The following SORD variants were observed in gnomAD, a reference collection of about 807,000 sequenced individuals.
SORD encodes the protein sorbitol dehydrogenase.
Under a neutral mutation model 35.6 loss-of-function variants are expected in SORD, and 18 were observed. The ratio of observed to expected loss-of-function variants is 0.51; its 90% confidence interval spans 0.35 to 0.75. The LOEUF (loss-of-function observed/expected upper bound fraction) is 0.75, where lower values mean the gene tolerates loss of function less well. Ranked by LOEUF, SORD falls within the 30% of genes least tolerant of loss-of-function variation. The pLI is 0.01. For missense variants in SORD, 250 were observed against 390.2 expected (o/e 0.64, Z 3.03); for synonymous variants, 106 against 152.9 (o/e 0.69, Z 2.26).
At chr15:45,069,183 G>GTTTTCTT (rs1893463276) in intron 7 of SORD, 131 bp downstream of exon 7, 2 of 170,838 alleles carry the variant, frequency 1.2e-5, no homozygotes, top group South Asian at 3.0e-4. Flanking sequence ...TGCCATCTAT[G>GTTTTCTT]TTTTCTTTTT....
At chr15:45,070,097 C>T (rs1419634180) in intron 7 of SORD, 1 of 152,112 alleles carries the variant, frequency 6.6e-6, no homozygotes, top group Non-Finnish European at 1.5e-5. Flanking sequence ...AAACCAGTTA[C>T]CATTTTATGC....
intron 4 of SORD, among the ~76,000 whole-genome samples, chr15:45,061,854 C>A (rs542374211): frequency 6.6e-6 from 1 of 151,990 alleles, no homozygotes; most frequent in South Asian, 2.1e-4. Context: ...GGGCAACAGA[C>A]CGAGACTCCG....
intron 3 of SORD, among the ~76,000 whole-genome samples, chr15:45,044,147 G>T (rs2141271282): frequency 6.6e-6 from 1 of 152,360 alleles, no homozygotes; most frequent in Non-Finnish European, 1.5e-5. Context: ...CTTGTTTAGG[G>T]ATGTTAAGTC....
intron 4 of SORD, among the ~76,000 whole-genome samples, chr15:45,063,827 T>C (rs1474338952): frequency 1.3e-5 from 2 of 151,652 alleles, no homozygotes; most frequent in African/African-American, 2.4e-5. Flanking sequence ...TCCTATTATA[T>C]AGAAGGGATA....
chr15:45,023,367 G>A lies in SORD; in HGVS notation c.66+18G>A, dbSNP rs200705319. On this transcript the variant is annotated intron_variant, in intron 1 of 8. Transcript: ENST00000267814. ...TGCGCCTGGTAAGCTGGGAAGGAGG[G>A]TGGGAAGCATACCGATCCTGCCTCA... 6 of 1,555,394 alleles carry A rather than the reference G, an allele frequency of 3.9e-6. 1 individual carries two copies. Among genetic ancestry groups the A allele is most frequent in the Non-Finnish European group, 2.6e-6 (3 of 1,151,300 alleles).
At chr15:45,050,600 T>G (rs551832386) in intron 3 of SORD, 14 of 152,354 alleles carry the variant, frequency 9.2e-5, no homozygotes, top group African/African-American at 3.1e-4. Flanking sequence ...CCAGCTTGAT[T>G]TTTTAAAGGG....
chr15:45,049,224 T>A (rs1893090778), intron 3 of SORD, among the ~76,000 whole-genome samples: 1 of 152,146 alleles, frequency 6.6e-6, no homozygotes, highest in African/African-American at 2.4e-5. Context: ...CCTAACTGGT[T>A]TTTTTCTTTC....
intron 3 of SORD, among the ~76,000 whole-genome samples, chr15:45,059,928 G>A (rs1040759197): frequency 6.6e-6 from 1 of 152,118 alleles, no homozygotes; most frequent in African/African-American, 2.4e-5. Context: ...ACTAATCTGT[G>A]GTACAAAAAA....
At chr15:45,035,192 T>G (rs889752825) in intron 1 of SORD, among the ~76,000 whole-genome samples, 1 of 152,032 alleles carries the variant, frequency 6.6e-6, no homozygotes, top group African/African-American at 2.4e-5. Context: ...CCCAATCCCA[T>G]CGACCACCCA....
intron 1 of SORD, among the ~76,000 whole-genome samples, chr15:45,034,103 T>G (rs1488655502): frequency 6.6e-6 from 1 of 151,984 alleles, no homozygotes; most frequent in Non-Finnish European, 1.5e-5. Flanking sequence ...TCAACCATAG[T>G]GTGAACTAAT....
At chr15:45,045,485 A>G (rs1206970519) in intron 3 of SORD, among the ~76,000 whole-genome samples, 1 of 136,186 alleles carries the variant, frequency 7.3e-6, no homozygotes, top group African/African-American at 2.7e-5. Context: ...GTGAGCTGAG[A>G]TTGTGCCACT....
chr15:45,047,765 A>G (rs1474354037), intron 3 of SORD, among the ~76,000 whole-genome samples: 2 of 152,176 alleles, frequency 1.3e-5, no homozygotes, highest in South Asian at 2.1e-4. Flanking sequence ...ACTGGCATTC[A>G]GCCGTGTTGG....
chr15:45,039,562 A>G (rs1024911339), intron 1 of SORD, among the ~76,000 whole-genome samples: 4 of 152,202 alleles, frequency 2.6e-5, no homozygotes, highest in Non-Finnish European at 5.9e-5. Flanking sequence ...CAACACTACT[A>G]CAACTACTGC....
chr15:45,068,963 G>T lies in SORD; in HGVS notation c.697G>T (p.Ala233Ser). ...CTCCAAGGAGAGCCCTCAGGAAATCGCCAGGAAAGTAGAAGGTCAGCTGGG... is the reference window on the plus strand; with the variant it reads ...CTCCAAGGAGAGCCCTCAGGAAATCTCCAGGAAAGTAGAAGGTCAGCTGGG... The part of the protein sequence containing the change: ...QISKESPQEI[A>S]RKVEGQLGCK... The change falls in exon 7 of 9, where the codon GCC (alanine) becomes TCC (serine). Residue 233 changes from alanine (A) to serine (S), a missense_variant. Ala to Ser is a moderately conservative substitution (Grantham distance 99). This residue lies in a region of SORD where 44 missense variants were observed against 54.5 expected (regional missense o/e 0.81). Transcript: ENST00000267814. 6.2e-7 allele frequency: 1 copy of T among 1,602,820 alleles called. No homozygotes were observed. Among genetic ancestry groups the T allele is most frequent in the Non-Finnish European group, 8.5e-7 (1 of 1,176,314 alleles).
At position 45,069,059 on chromosome 15, in the gene SORD, G is replaced by A. The variant is rs201006949; in HGVS notation, c.786+7G>A. ...CATCCAGGCGGGCATCTACGTGAGT[G>A]GGCTGAGGGCAGCTTTGGGGAATCA... On this transcript the variant is annotated splice_region_variant and intron_variant, in intron 7 of 8. Transcript: ENST00000267814. The A allele has an allele frequency of 9.0e-4, 1,447 of 1,601,402 alleles. 1 individual carries two copies. Among genetic ancestry groups the A allele is most frequent in the South Asian group, 2.6e-3 (236 of 89,096 alleles).
At chr15:45,070,722 G>C (rs1893498488) in intron 7 of SORD, 1 of 152,232 alleles carries the variant, frequency 6.6e-6, no homozygotes, top group Non-Finnish European at 1.5e-5. Flanking sequence ...GACATGAGTA[G>C]GTTGCATCTG....
At chr15:45,029,973 C>A (rs984547138) in intron 1 of SORD, among the ~76,000 whole-genome samples, 3 of 152,142 alleles carry the variant, frequency 2.0e-5, no homozygotes, top group Non-Finnish European at 4.4e-5. Flanking sequence ...AACGTGAAGA[C>A]ACCATGCAAA....
intron 3 of SORD, among the ~76,000 whole-genome samples, chr15:45,048,253 T>G (rs1232366330): frequency 2.6e-5 from 4 of 152,214 alleles, no homozygotes; most frequent in Non-Finnish European, 4.4e-5. Flanking sequence ...ACTAATGACA[T>G]TTGTGTCCCA....
At chr15:45,039,706 A>G (rs931895115) in intron 1 of SORD, among the ~76,000 whole-genome samples, 1 of 152,228 alleles carries the variant, frequency 6.6e-6, no homozygotes, top group Non-Finnish European at 1.5e-5. Flanking sequence ...GTTTAGGAAA[A>G]GAGGACCAGG....
Sources: allele counts gnomAD v4.1 joint callset (sites outside exome capture counted in the v4.1 genomes callset), GRCh38; gene constraint gnomAD v4.1.1; regional missense constraint gnomAD v4.1.1; transcripts MANE v1.5; gene names NCBI Gene and HGNC (gene_info 2026-07-23, HGNC 2026-07-21).